CALCR: variants seen among roughly 807,000 people sequenced by gnomAD.
The protein encoded by CALCR is calcitonin receptor.
A neutral mutation model predicts 59.5 loss-of-function variants in CALCR; 47 were observed. That is an observed-to-expected ratio of 0.79 (90% CI 0.63 to 1.01). The LOEUF is 1.01. Among genes scored for constraint, CALCR ranks in the 50% least tolerant of loss-of-function variants. The pLI is 0.00. For missense variants in CALCR, 566 were observed against 597.1 expected (o/e 0.95, Z 0.54); for synonymous variants, 213 against 211.3 (o/e 1.01, Z -0.07).
rs767811967 is a variant in CALCR at position 93,477,684 on chromosome 7, G to A, written c.206-16C>T. On this transcript the variant is annotated splice_polypyrimidine_tract_variant and intron_variant, in intron 4 of 13. Transcript: ENST00000426151. ...CAATATGGACCTGGCCATTTAGAAGGAAATTGATATTGAAGCCTTGTGGAT... is the reference window on the plus strand; with the variant it reads ...CAATATGGACCTGGCCATTTAGAAGAAAATTGATATTGAAGCCTTGTGGAT... 17 of 1,500,752 alleles carry A rather than the reference G, an allele frequency of 1.1e-5. No homozygotes were observed. The highest frequency in any genetic ancestry group is 1.0e-5 in the Non-Finnish European group (11 of 1,078,636). 93.0% of individuals were successfully genotyped at this position (1,500,752 alleles called of 1,614,324 possible).
chr7:93,518,373 C>G lies in CALCR; in HGVS notation c.-26-31366G>C, dbSNP rs1230532134. On this transcript the variant is annotated intron_variant, in intron 2 of 13. Coordinates refer to ENST00000426151, the MANE Select transcript of CALCR (RefSeq NM_001742.4). ...AAAATGAACAAAAAACACAAATGAC[C>G]TATTCAAATATGAAAAAACTCTACT... Among the ~76,000 whole-genome samples the G allele has an allele frequency of 2.0e-5, 3 of 151,624 alleles. No individual in the cohort carries two copies. In the East Asian group the frequency reaches 5.8e-4, roughly 29 times the overall value.
chr7:93,460,338 G>A (rs1049935169), intron 8 of CALCR, among the ~76,000 whole-genome samples: 5 of 151,656 alleles, frequency 3.3e-5, no homozygotes, highest in Admixed American at 1.3e-4. Flanking sequence ...GGCAGATCAC[G>A]AAGTCAGGAG....
At chr7:93,486,908 T>C in intron 3 of CALCR, 23 bp downstream of exon 3, 1 of 1,373,880 alleles carries the variant, frequency 7.3e-7, no homozygotes, top group Non-Finnish European at 1.0e-6. Flanking sequence ...TAGCATGGCT[T>C]TGAATACTTT....
At chr7:93,517,708 C>T (rs1464090217) in intron 2 of CALCR, among the ~76,000 whole-genome samples, 2 of 151,790 alleles carry the variant, frequency 1.3e-5, no homozygotes, top group African/African-American at 2.4e-5. Flanking sequence ...ATAGTTACTG[C>T]GAAGACAGTG....
chr7:93,433,456 T>C (rs1021044326), intron 13 of CALCR, among the ~76,000 whole-genome samples: 5 of 152,208 alleles, frequency 3.3e-5, no homozygotes, highest in Non-Finnish European at 7.3e-5. Context: ...GTCAGTTTAA[T>C]TGAAAAACAG....
chr7:93,460,808 A>G lies in CALCR; in HGVS notation c.648+13T>C, dbSNP rs576562868. 11 of 1,584,524 alleles carry G rather than the reference A, an allele frequency of 6.9e-6. No homozygotes were observed. In the African/African-American group the frequency reaches 1.2e-4, roughly 18 times the overall value. ...TTAAAATAAAAGTAAAAACAAAACT[A>G]TGCAGTACTTACCGGGTCCCTTCGC... On this transcript the variant is annotated intron_variant, in intron 8 of 13. Coordinates refer to ENST00000426151, the MANE Select transcript of CALCR (RefSeq NM_001742.4).
At chr7:93,440,462 G>A (rs1042784243) in intron 9 of CALCR, among the ~76,000 whole-genome samples, 3 of 151,902 alleles carry the variant, frequency 2.0e-5, no homozygotes, top group African/African-American at 7.3e-5. Flanking sequence ...TTTAAAATAT[G>A]TCAATTTTGT....
intron 13 of CALCR, among the ~76,000 whole-genome samples, chr7:93,431,400 C>T (rs968333467): frequency 6.6e-6 from 1 of 152,272 alleles, no homozygotes; most frequent in Non-Finnish European, 1.5e-5. Context: ...TTCACAGGCT[C>T]TATGTGGTGT....
At chr7:93,548,854 GTGTGTGTGTGTGTGTGTGTGTGTGTC>G (rs1406160267) in intron 2 of CALCR, among the ~76,000 whole-genome samples, 2 of 133,310 alleles carry the variant, frequency 1.5e-5, no homozygotes, top group South Asian at 2.6e-4. Flanking sequence ...GTGTGTGTGT[GTGTGTGTGTGTGTGTGTGTGTGTGTC>G]TGTGTGTGTG....
At chr7:93,569,364 CT>C (rs958794312) in intron 2 of CALCR, among the ~76,000 whole-genome samples, 11 of 152,166 alleles carry the variant, frequency 7.2e-5, no homozygotes, top group Admixed American at 2.0e-4. Context: ...TTTAACCCTG[CT>C]GGGGCAACAA....
At chr7:93,502,849 A>C (rs1043280093) in intron 2 of CALCR, among the ~76,000 whole-genome samples, 1 of 152,116 alleles carries the variant, frequency 6.6e-6, no homozygotes, top group African/African-American at 2.4e-5. Flanking sequence ...CTACAAACTG[A>C]ATGTATGACA....
chr7:93,434,743 G>A (rs897094184), intron 12 of CALCR, among the ~76,000 whole-genome samples: 1 of 152,112 alleles, frequency 6.6e-6, no homozygotes, highest in Non-Finnish European at 1.5e-5. Flanking sequence ...TGTACCCACC[G>A]CCAAGTTCAT....
chr7:93,442,333 C>T (rs769252348), intron 9 of CALCR, among the ~76,000 whole-genome samples: 12 of 152,106 alleles, frequency 7.9e-5, no homozygotes, highest in African/African-American at 1.4e-4. Context: ...TGAGGCATCC[C>T]GCCTATCTGC....
At chr7:93,480,179 T>C (rs370630257) in intron 3 of CALCR, among the ~76,000 whole-genome samples, 1 of 151,936 alleles carries the variant, frequency 6.6e-6, no homozygotes, top group Non-Finnish European at 1.5e-5. Context: ...TTGACAATAG[T>C]TTTTTTCAGT....
At chr7:93,561,512 G>A (rs1004702072) in intron 2 of CALCR, among the ~76,000 whole-genome samples, 1 of 151,814 alleles carries the variant, frequency 6.6e-6, no homozygotes, top group South Asian at 2.1e-4. Flanking sequence ...AGGGGACATA[G>A]GGTTAAGAAA....
At chr7:93,470,761 ATATTT>A (rs898523430) in intron 6 of CALCR, among the ~76,000 whole-genome samples, 25 of 150,104 alleles carry the variant, frequency 1.7e-4, no homozygotes, top group East Asian at 2.0e-4. Flanking sequence ...TATTTTTTCA[ATATTT>A]TATTTTATTT....
At chr7:93,541,940 G>T (rs139081484) in intron 2 of CALCR, among the ~76,000 whole-genome samples, 5 of 151,890 alleles carry the variant, frequency 3.3e-5, no homozygotes, top group Middle Eastern at 3.4e-3. Flanking sequence ...TTAGTAGCTG[G>T]TTTTTTTTGG....
chr7:93,463,055 C>G (rs1463213638), intron 7 of CALCR, among the ~76,000 whole-genome samples: 1 of 151,750 alleles, frequency 6.6e-6, no homozygotes, highest in African/African-American at 2.4e-5. Context: ...TGAGCTGTGA[C>G]CACTAAGCAA....
chr7:93,443,382 A>G (rs1799948854), intron 9 of CALCR, among the ~76,000 whole-genome samples: 1 of 152,072 alleles, frequency 6.6e-6, no homozygotes, highest in Non-Finnish European at 1.5e-5. Flanking sequence ...AGTCACCCTT[A>G]TCTTCCTTCT....
Sources: gnomAD v4.1 joint callset for allele counts (sites outside exome capture counted in the v4.1 genomes callset) on GRCh38, gnomAD v4.1.1 for gene constraint, MANE v1.5 for transcripts, NCBI Gene and HGNC (gene_info 2026-07-23, HGNC 2026-07-21) for gene names.